The following SEMA4G variants were observed in gnomAD, a reference collection of about 807,000 sequenced individuals.
SEMA4G encodes the protein semaphorin 4G.
A neutral mutation model predicts 81.2 loss-of-function variants in SEMA4G; 59 were observed. The ratio of observed to expected loss-of-function variants is 0.73; its 90% CI spans 0.59 to 0.90. The LOEUF (loss-of-function observed/expected upper bound fraction) is 0.90, where lower values mean the gene tolerates loss of function less well. Among genes scored for constraint, SEMA4G ranks in the 40% least tolerant of loss-of-function variants. SEMA4G has a pLI of 0.00. For synonymous variants in SEMA4G, 404 were observed against 433.9 expected (o/e 0.93, Z 0.86); for missense variants, 952 against 1,102.3 (o/e 0.86, Z 1.93).
chr10:100,984,900 G>C (rs1851358185), downstream of SEMA4G: 1 of 1,462,186 alleles, frequency 6.8e-7, no homozygotes, highest in Non-Finnish European at 9.0e-7. Context: ...ATGAGAGACA[G>C]AGCTCCAGGC....
chr10:100,983,162 T>A, intron 13 of SEMA4G, 143 bp from the exon 15 acceptor site: 2 of 1,026,312 alleles, frequency 1.9e-6, no homozygotes, highest in Admixed American at 5.9e-5. Flanking sequence ...TGTGGAAGCA[T>A]GAGCACAGAG....
rs74154246 is a variant in SEMA4G at position 100,983,232 on chromosome 10, G to C, written c.1691-73G>C. 1.1e-4 allele frequency: 163 copies of C among 1,442,570 alleles called. No homozygotes were observed. The African/African-American group carries it at 2.2e-3, about 19-fold the overall frequency. 89.4% of individuals were successfully genotyped at this position (1,442,570 alleles called of 1,614,324 possible). A position where few individuals can be genotyped will look rare whatever the true frequency, so the allele number is the denominator to read the frequency against. ...TGCTTGGTGCCAGGGACTTGGCAGTGAACAGTCTGGCTTGCCATCTCTAAT... is the reference window on the plus strand; with the variant it reads ...TGCTTGGTGCCAGGGACTTGGCAGTCAACAGTCTGGCTTGCCATCTCTAAT... On this transcript the variant is annotated intron_variant, in intron 13 of 13. Coordinates refer to ENST00000370250, the Ensembl canonical transcript of SEMA4G.
exon 14 of SEMA4G, chr10:100,984,765 C>G: frequency 2.6e-6 from 4 of 1,536,060 alleles, no homozygotes; most frequent in Non-Finnish European, 3.5e-6. Flanking sequence ...ATGTGGTGAC[C>G]TCTTTGTCAA....
Position 100,973,156 on chromosome 10 carries a change from G to T in SEMA4G, c.152G>T (p.Gly51Val). 1 of 1,613,966 alleles carries T rather than the reference G, an allele frequency of 6.2e-7. No homozygotes were observed. Among genetic ancestry groups the T allele is most frequent in the African/African-American group, 1.3e-5 (1 of 75,030 alleles). ...CTCTCTGGGACCCGGCACTTCAAGG[G>T]CCAAGCCCAGAACTACTCAACACTG... is the stretch of plus-strand genomic sequence containing the variant. Residue 51 changes from glycine (G) to valine (V), a missense_variant, in exon 2 of 14, where the codon GGC becomes GTC. Around this residue, in one of 3 missense-constraint regions of SEMA4G, gnomAD observed 436 missense variants for 488.2 expected, o/e 0.89. Coordinates refer to ENST00000370250, the Ensembl canonical transcript of SEMA4G. The surrounding 1 kb of genome is among the most constrained non-coding windows in gnomAD (Gnocchi z 5.5).
Position 100,980,504 on chromosome 10 carries a change from G to A in SEMA4G, c.1352-74G>A, listed in dbSNP as rs376350862. On this transcript the variant is annotated intron_variant, in intron 10 of 13. Transcript: ENST00000370250. ...GGACCTCAGGACTCCTGAGCTGTTC[G>A]TATTAGGCCTCTTGCAGGGTGCTGA... 57 of 1,423,144 alleles carry A rather than the reference G, an allele frequency of 4.0e-5. No homozygotes were observed. The Middle Eastern group carries it at 5.4e-4, about 13-fold the overall frequency. 88.2% of individuals were successfully genotyped at this position (1,423,144 alleles called of 1,614,324 possible).
intron 8 of SEMA4G, 52 bp downstream of exon 9, chr10:100,979,323 G>A (rs747148992): frequency 1.9e-6 from 3 of 1,613,988 alleles, no homozygotes; most frequent in African/African-American, 1.3e-5. Flanking sequence ...CATAGGGGCT[G>A]GAGCAGAGGT....
chr10:100,980,074 G>C (rs1850989225), intron 9 of SEMA4G, 48 bp from the exon 11 acceptor site: 2 of 1,613,178 alleles, frequency 1.2e-6, no homozygotes, highest in East Asian at 4.5e-5. Flanking sequence ...GGAGAGGGCA[G>C]GCAGGTGGTG....
chr10:100,977,374 G>GC (rs1345670508), intron 3 of SEMA4G, among the ~76,000 whole-genome samples: 1 of 152,200 alleles, frequency 6.6e-6, no homozygotes. Flanking sequence ...GGAGGGAACT[G>GC]CAAGAGACAC....
At chr10:100,984,321 C>T in exon 14 of SEMA4G, 2 of 1,440,364 alleles carry the variant, frequency 1.4e-6, no homozygotes, top group Non-Finnish European at 1.8e-6. Flanking sequence ...CACAGACCCA[C>T]ATGTGAGCAG....
At chr10:100,981,791 C>A (rs1313019439) in intron 13 of SEMA4G, among the ~76,000 whole-genome samples, 2 of 152,164 alleles carry the variant, frequency 1.3e-5, no homozygotes, top group African/African-American at 4.8e-5. Context: ...AGTACAGTGG[C>A]TCACGCCTGT....
At chr10:100,985,090 AGGAT>A (rs1156991738), downstream of SEMA4G, 1 of 577,432 alleles carries the variant, frequency 1.7e-6, no homozygotes, top group Non-Finnish European at 2.9e-6. Context: ...GCCCTTGCCT[AGGAT>A]GGATGACCAA....
chr10:100,976,728 C>A (rs1431733798), intron 3 of SEMA4G, among the ~76,000 whole-genome samples: 2 of 152,240 alleles, frequency 1.3e-5, no homozygotes, highest in African/African-American at 4.8e-5. Context: ...ATAGTAACAG[C>A]AGTCTTCTTG....
At chr10:100,979,018 G>A (rs1199366181) in exon 7 of SEMA4G, 6 of 1,614,012 alleles carry the variant, frequency 3.7e-6, no homozygotes, top group Non-Finnish European at 5.1e-6. Context: ...GTGTCTGCAA[G>A]GTGGATTGGG....
rs754499823 is a variant in SEMA4G at position 100,978,946 on chromosome 10, T to C, written c.741T>C (p.Thr247=). 1.4e-5 allele frequency: 22 copies of C among 1,614,052 alleles called. No individual in the cohort carries two copies. The Admixed American group carries it at 3.7e-4, about 27-fold the overall frequency. Residue 247 remains threonine (T), a synonymous_variant, in exon 7 of 14, where the codon ACT becomes ACC. Coordinates refer to ENST00000370250, the Ensembl canonical transcript of SEMA4G. ...ACTACTTCTTCACGGAGCGTGCCAC[T>C]GAGGAGGGCTCTGGCAGCTTCACTC...
intron 3 of SEMA4G, 96 bp from the exon 5 acceptor site, chr10:100,977,536 G>T (rs1023509626): frequency 1.0e-5 from 9 of 897,306 alleles, no homozygotes; most frequent in African/African-American, 3.3e-5. Context: ...CGTTTGTCCT[G>T]TGGGTGGGGG....
At chr10:100,978,869 G>C (rs138710515) in exon 7 of SEMA4G, 3 of 1,614,126 alleles carry the variant, frequency 1.9e-6, no homozygotes, top group Non-Finnish European at 2.5e-6. Flanking sequence ...TGTGTTCTCC[G>C]TCCTCGTGCG....
At chr10:100,971,651 T>C (rs753195484), upstream of SEMA4G, among the ~76,000 whole-genome samples, 20 of 152,090 alleles carry the variant, frequency 1.3e-4, no homozygotes, top group Non-Finnish European at 2.6e-4. Context: ...TCTCCACACC[T>C]CACCCAGCCC....
chr10:100,984,714 TC>T, exon 14 of SEMA4G: 1 of 1,536,116 alleles, frequency 6.5e-7, no homozygotes, highest in Non-Finnish European at 8.7e-7. Flanking sequence ...TGGGGTACCC[TC>T]CCAATTGCCA....
rs756608499 is a variant in SEMA4G, at chr10:100,979,033, C to T, written c.813+15C>T. ...GTGTCTGCAAGGTGGATTGGGCTGA[C>T]GTTGGGGCACGGGTATAGAGGCTGG... On this transcript the variant is annotated intron_variant, in intron 7 of 13. Coordinates refer to ENST00000370250, the Ensembl canonical transcript of SEMA4G. 1.8e-5 allele frequency: 29 copies of T among 1,613,312 alleles called. No homozygotes were observed. Among genetic ancestry groups the T allele is most frequent in the African/African-American group, 1.1e-4 (8 of 74,898 alleles).
Sources: allele counts gnomAD v4.1 joint callset (sites outside exome capture counted in the v4.1 genomes callset), GRCh38; gene constraint gnomAD v4.1.1; regional missense constraint gnomAD v4.1.1; non-coding constraint Gnocchi (gnomAD v3.1); transcripts MANE v1.5; gene names NCBI Gene and HGNC (gene_info 2026-07-23, HGNC 2026-07-21).